STK10: variants seen among roughly 807,000 people sequenced by gnomAD.
STK10 encodes the protein serine/threonine-protein kinase 10.
In STK10, 78 loss-of-function variants were observed where a neutral mutation model predicts 113.8. The ratio of observed to expected loss-of-function variants is 0.69; its 90% CI spans 0.57 to 0.83. STK10 has a LOEUF of 0.83. Ranked by LOEUF, STK10 falls within the 40% of genes least tolerant of loss-of-function variation. The pLI is 0.00. For synonymous variants in STK10, 465 were observed against 494.7 expected, an observed-to-expected ratio of 0.94 and a Z score of 0.80; for missense variants, 1,109 against 1,280.1, an observed-to-expected ratio of 0.87 and a Z score of 2.04.
intron 12 of STK10, among the ~76,000 whole-genome samples, chr5:172,066,284 A>G (rs943599968): frequency 6.6e-6 from 1 of 152,170 alleles, no homozygotes; most frequent in African/African-American, 2.4e-5. Flanking sequence ...AAGGGGAGTC[A>G]AAACTTGCAG....
intron 1 of STK10, among the ~76,000 whole-genome samples, chr5:172,186,410 G>C (rs1770955394): frequency 1.3e-5 from 2 of 152,132 alleles, no homozygotes. Context: ...GATTTCATGA[G>C]CTCAGGAGTT....
chr5:172,138,065 C>T (rs943776350), intron 2 of STK10, among the ~76,000 whole-genome samples: 34 of 152,170 alleles, frequency 2.2e-4, no homozygotes, highest in Middle Eastern at 3.4e-3. Context: ...AGCCAGTGCA[C>T]TTAGGCAACA....
chr5:172,106,236 C>T (rs867507633), intron 6 of STK10, among the ~76,000 whole-genome samples: 4 of 151,452 alleles, frequency 2.6e-5, no homozygotes, highest in Non-Finnish European at 5.9e-5. Context: ...CATAGGAGAC[C>T]TTGTCTCTAC....
chr5:172,061,822 T>A (rs1264623304), intron 13 of STK10, among the ~76,000 whole-genome samples: 1 of 152,148 alleles, frequency 6.6e-6, no homozygotes, highest in Non-Finnish European at 1.5e-5. Context: ...GTTATTTCTG[T>A]GATGTTTGAC....
rs113808212 is a variant in STK10, at chr5:172,094,478, C to T, written c.1006-518G>A. Among the ~76,000 whole-genome samples the T allele has an allele frequency of 7.1e-3, 1,085 of 152,136 alleles. 18 individuals carry two copies. Among genetic ancestry groups the T allele is most frequent in the African/African-American group, 0.025 (1,034 of 41,502 alleles). On this transcript the variant is annotated intron_variant, in intron 8 of 18. Coordinates refer to ENST00000176763, the MANE Select transcript of STK10 (RefSeq NM_005990.4). The stretch of plus-strand genomic sequence containing the variant: ...CCTGGGTTCCCACCTGGGAGTGGTC[C>T]TCCCACCTCAGCCTCCCGAGGAGCC...
chr5:172,073,051 G>A (rs1190497346), intron 12 of STK10, among the ~76,000 whole-genome samples: 1 of 152,142 alleles, frequency 6.6e-6, no homozygotes, highest in Non-Finnish European at 1.5e-5. Flanking sequence ...TGGCTCACTT[G>A]CAGCCTCGAA....
At chr5:172,058,813 A>G (rs563950177) in intron 14 of STK10, among the ~76,000 whole-genome samples, 21 of 152,254 alleles carry the variant, frequency 1.4e-4, no homozygotes, top group Admixed American at 3.3e-4. Flanking sequence ...TTGCTTGAAC[A>G]GGGGAGGCAG....
intron 1 of STK10, among the ~76,000 whole-genome samples, chr5:172,170,788 A>G (rs538328212): frequency 4.6e-5 from 7 of 152,152 alleles, no homozygotes; most frequent in Non-Finnish European, 1.0e-4. Context: ...CCCACCTATC[A>G]CTGATAAAGG....
chr5:172,044,962 C>A lies in STK10; in HGVS notation c.2827G>T (p.Glu943Ter). The change falls in exon 19 of 19, where the codon GAG (glutamate) becomes TAG (stop). Residue 943 changes from glutamate (E) to a stop codon, truncating the protein, a stop_gained. Transcript: ENST00000176763. LOFTEE classifies it low-confidence loss of function (END_TRUNC). This position sits in a 1 kb window ranked among gnomAD's most constrained non-coding sequence, Gnocchi z 4.5. ...REQEMFFKLS[E>*]EAECPNPSTP... ...GAGGGGTTTGGGCACTCCGCCTCCT[C>A]GCTCAGCTTGAAGAACATCTCCTGC... The A allele has an allele frequency of 6.2e-7, 1 of 1,614,214 alleles. No individual in the cohort carries two copies. Among genetic ancestry groups the A allele is most frequent in the Non-Finnish European group, 8.5e-7 (1 of 1,180,046 alleles).
chr5:172,095,138 G>A (rs994327341), intron 8 of STK10, among the ~76,000 whole-genome samples: 1 of 152,170 alleles, frequency 6.6e-6, no homozygotes, highest in Admixed American at 6.5e-5. Flanking sequence ...TATAAACGTG[G>A]TATGAATGGA....
chr5:172,155,112 G>A (rs1201937409), intron 2 of STK10, among the ~76,000 whole-genome samples: 1 of 148,210 alleles, frequency 6.7e-6, no homozygotes, highest in East Asian at 2.0e-4. Flanking sequence ...AAAGTGGGTG[G>A]CTGGGTGGGT....
At chr5:172,157,441 A>T (rs1327789606) in intron 1 of STK10, among the ~76,000 whole-genome samples, 1 of 152,130 alleles carries the variant, frequency 6.6e-6, no homozygotes, top group African/African-American at 2.4e-5. Context: ...CTGTAGTCCC[A>T]GCTATTGGGG....
In STK10 at chr5:172,072,560, G is replaced by A. The variant is rs569724623; in HGVS notation, c.1990-7748C>T. Among the ~76,000 whole-genome samples the A allele has an allele frequency of 5.4e-4, 82 of 152,254 alleles. No homozygotes were observed. The Middle Eastern group carries it at 0.017, about 32-fold the overall frequency. ...TAGGATTACAGGCGTGAGCCACCGC[G>A]CCTGGCCTCTTTTCTTTCTTTTTAA... On this transcript the variant is annotated intron_variant, in intron 12 of 18. Coordinates refer to ENST00000176763, the MANE Select transcript of STK10 (RefSeq NM_005990.4).
intron 5 of STK10, chr5:172,107,086 C>A (rs1161311723): frequency 7.4e-6 from 1 of 136,004 alleles, no homozygotes. Context: ...GGGGAGGGGG[C>A]GGGTGGGAGC....
chr5:172,151,562 G>T (rs1581180266), intron 2 of STK10, among the ~76,000 whole-genome samples: 3 of 152,012 alleles, frequency 2.0e-5, no homozygotes, highest in African/African-American at 4.8e-5. Flanking sequence ...GGCCAGGCTG[G>T]TCTCAAACGC....
chr5:172,111,696 G>T (rs951003593), intron 4 of STK10, among the ~76,000 whole-genome samples: 3 of 152,192 alleles, frequency 2.0e-5, no homozygotes, highest in Non-Finnish European at 2.9e-5. Context: ...CAAGGGCGGC[G>T]GAGATAAGGG....
intron 1 of STK10, among the ~76,000 whole-genome samples, chr5:172,158,394 G>A (rs1770398327): frequency 6.6e-6 from 1 of 152,138 alleles, no homozygotes; most frequent in Non-Finnish European, 1.5e-5. Flanking sequence ...TTGGGAGGCG[G>A]AGGCAGGCAG....
chr5:172,048,870 G>A (rs1220745419), intron 18 of STK10, among the ~76,000 whole-genome samples: 3 of 150,130 alleles, frequency 2.0e-5, no homozygotes, highest in South Asian at 2.1e-4. Context: ...ACCTCCCACC[G>A]TCACCACCAC....
At chr5:172,119,858 C>T (rs189785869) in intron 3 of STK10, among the ~76,000 whole-genome samples, 2,150 of 144,326 alleles carry the variant, frequency 0.015, 55 homozygotes, top group African/African-American at 0.054. Flanking sequence ...AGCGAGACTC[C>T]ATCTCAAAAA....
Sources: gnomAD v4.1 joint callset for allele counts (sites outside exome capture counted in the v4.1 genomes callset) on GRCh38, gnomAD v4.1.1 for gene constraint, Gnocchi (gnomAD v3.1) non-coding constraint, MANE v1.5 for transcripts, NCBI Gene and HGNC (gene_info 2026-07-23, HGNC 2026-07-21) for gene names.